Variants in OTUD7A observed in about 807,000 individuals in gnomAD.
OTUD7A encodes OTU domain-containing protein 7A.
OTUD7A carries 12 observed loss-of-function variants against 65.7 expected under a neutral mutation model. The observed-to-expected ratio is 0.18, with a 90% CI of 0.12 to 0.30. The LOEUF (loss-of-function observed/expected upper bound fraction) is 0.30. OTUD7A is among the 10% of genes least tolerant of loss of function. The probability of loss-of-function intolerance (pLI) is 1.00; values close to 1 mark genes in which losing one functional copy is unlikely to be tolerated. For missense variants in OTUD7A, 1,148 were observed against 1,304.8 expected (o/e 0.88, Z 1.85); for synonymous variants, 641 against 586.3 (o/e 1.09, Z -1.35).
At chr15:31,796,944 G>A (rs866667115) in intron 1 of OTUD7A, among the ~76,000 whole-genome samples, 1 of 152,210 alleles carries the variant, frequency 6.6e-6, no homozygotes, top group Non-Finnish European at 1.5e-5. Flanking sequence ...ATGTTGGCCA[G>A]GCTGGTTTCG....
intron 3 of OTUD7A, among the ~76,000 whole-genome samples, chr15:31,642,184 G>T (rs1891536971): frequency 6.6e-6 from 1 of 152,144 alleles, no homozygotes; most frequent in Non-Finnish European, 1.5e-5. Flanking sequence ...TATACCTTCT[G>T]TTTCTCAGTA....
At chr15:31,584,047 T>C (rs755473067) in intron 3 of OTUD7A, among the ~76,000 whole-genome samples, 26 of 152,214 alleles carry the variant, frequency 1.7e-4, no homozygotes, top group Non-Finnish European at 2.9e-4. Context: ...ACAGCTGGTA[T>C]AGATTGACAA....
At chr15:31,834,334 T>C (rs1360478139) in intron 1 of OTUD7A, among the ~76,000 whole-genome samples, 2 of 152,228 alleles carry the variant, frequency 1.3e-5, no homozygotes, top group East Asian at 3.9e-4. Flanking sequence ...TAAAGAGAGA[T>C]GGCAGGATGA....
In OTUD7A at chr15:31,483,810, G is replaced by A; in HGVS notation, c.2286C>T (p.Ser762=). 9.9e-7 allele frequency: 1 copy of A among 1,006,000 alleles called. No homozygotes were observed. The highest frequency in any genetic ancestry group is 1.2e-6 in the Non-Finnish European group (1 of 845,252). The allele number at this position is 1,006,000 out of a possible 1,614,324, so 62.3% of individuals were successfully genotyped here. ...PGGGARRASA[S]GPVPGRSPPA... is the part of the protein sequence containing the mutation. Reference sequence around the variant, plus strand: ...GGGGGCTGCGGCCAGGCACTGGTCCGCTGGCGCTCGCACGCCGCGCGCCTC... The same window carrying A: ...GGGGGCTGCGGCCAGGCACTGGTCCACTGGCGCTCGCACGCCGCGCGCCTC... Residue 762 remains serine, a synonymous_variant, in exon 13 of 13, where the codon AGC becomes AGT. Transcript: ENST00000307050.
chr15:31,737,314 G>A (rs1051516737), intron 1 of OTUD7A, among the ~76,000 whole-genome samples: 1 of 152,054 alleles, frequency 6.6e-6, no homozygotes, highest in African/African-American at 2.4e-5. Context: ...AATAGAGACA[G>A]ACAACCCCAC....
intron 1 of OTUD7A, among the ~76,000 whole-genome samples, chr15:31,836,223 G>A (rs537317799): frequency 5.3e-5 from 8 of 151,880 alleles, no homozygotes; most frequent in East Asian, 3.9e-4. Context: ...AGTGATGTTC[G>A]GTGGTAACAT....
Position 31,483,260 on chromosome 15 carries a change from G to A in OTUD7A, c.*34C>T, listed in dbSNP as rs1314701261. ...CACAATGGAAAAGAAATCCTCGAAG[G>A]TAGAACCTCGCCGCCCGCGCCGCGC... On this transcript the variant is annotated 3_prime_UTR_variant, in exon 13 of 13. Coordinates refer to ENST00000307050, the MANE Select transcript of OTUD7A (RefSeq NM_001382637.1). 4 of 1,073,520 alleles carry A rather than the reference G, an allele frequency of 3.7e-6. No homozygotes were observed. Among genetic ancestry groups the A allele is most frequent in the Non-Finnish European group, 4.5e-6 (4 of 888,880 alleles). 66.5% of individuals were successfully genotyped at this position (1,073,520 alleles called of 1,614,324 possible). A position where few individuals can be genotyped will look rare whatever the true frequency, so the allele number is the denominator to read the frequency against.
chr15:31,487,315 GCTGGCC>G lies in OTUD7A; in HGVS notation c.1287-43_1287-38del. On this transcript the variant is annotated intron_variant, in intron 11 of 12. Coordinates refer to ENST00000307050, the MANE Select transcript of OTUD7A (RefSeq NM_001382637.1). The surrounding 1 kb of genome is among the most constrained non-coding windows in gnomAD (Gnocchi z 6.0). The stretch of plus-strand genomic sequence containing the variant: ...AGAATATCCTATTGAAATGGTCTGA[GCTGGCC>G]CTTATAGCACCCAGTCCACTTGCAT... 1 of 1,608,982 alleles carries G rather than the reference GCTGGCC, an allele frequency of 6.2e-7. No homozygotes were observed. Among genetic ancestry groups the G allele is most frequent in the African/African-American group, 1.3e-5 (1 of 74,910 alleles).
intron 1 of OTUD7A, among the ~76,000 whole-genome samples, chr15:31,795,941 C>T (rs1011668435): frequency 6.6e-6 from 1 of 152,178 alleles, no homozygotes. Flanking sequence ...AGCCTGGCCC[C>T]TAGGTAAACA....
At chr15:31,803,959 T>A (rs1242490375) in intron 1 of OTUD7A, among the ~76,000 whole-genome samples, 6 of 152,200 alleles carry the variant, frequency 3.9e-5, no homozygotes, top group Admixed American at 1.3e-4. Flanking sequence ...AAGGTGATGA[T>A]ACCAGATGAC....
rs1259843189 is a variant in OTUD7A, at chr15:31,476,020, C to G, written c.*7274G>C. 6.6e-6 allele frequency: 1 copy of G among 152,184 alleles called. No homozygotes were observed. The highest frequency in any genetic ancestry group is 2.4e-5 in the African/African-American group (1 of 41,428). The allele number at this position is 152,184 out of a possible 1,614,324, so 9.4% of individuals were successfully genotyped here. ...TCAACAATCCTTAGTTAAAACAAGGCCAAATTCTCAAAGGTGATGGTGAAT... is the reference window on the plus strand; with the variant it reads ...TCAACAATCCTTAGTTAAAACAAGGGCAAATTCTCAAAGGTGATGGTGAAT... On this transcript the variant is annotated 3_prime_UTR_variant, in exon 13 of 13. Transcript: ENST00000307050.
intron 4 of OTUD7A, among the ~76,000 whole-genome samples, chr15:31,560,141 C>T (rs1386054893): frequency 2.0e-5 from 3 of 152,180 alleles, no homozygotes; most frequent in South Asian, 2.1e-4. Context: ...CTCTTTGTCT[C>T]GATGCATTTA....
intron 4 of OTUD7A, among the ~76,000 whole-genome samples, chr15:31,566,768 A>C (rs1422047734): frequency 2.0e-5 from 3 of 152,006 alleles, no homozygotes; most frequent in Non-Finnish European, 2.9e-5. Context: ...GGCACCTCCC[A>C]CCCACCACTC....
intron 8 of OTUD7A, among the ~76,000 whole-genome samples, chr15:31,519,149 C>T (rs1017962768): frequency 1.8e-4 from 27 of 152,152 alleles, no homozygotes; most frequent in African/African-American, 4.8e-4. Flanking sequence ...TGTGCACGCA[C>T]GCGCACTCAC....
intron 3 of OTUD7A, among the ~76,000 whole-genome samples, chr15:31,611,909 C>T (rs927303631): frequency 2.6e-5 from 4 of 152,148 alleles, no homozygotes; most frequent in Middle Eastern, 3.2e-3. Flanking sequence ...TAACAAAATA[C>T]TAGCTAACCA....
chr15:31,559,258 C>G, intron 4 of OTUD7A, 71 bp from the exon 5 acceptor site: 1 of 1,395,486 alleles, frequency 7.2e-7, no homozygotes, highest in Non-Finnish European at 9.8e-7. Flanking sequence ...TACATAAACA[C>G]ACATACTATG....
chr15:31,760,800 A>G (rs1221249154), intron 1 of OTUD7A, among the ~76,000 whole-genome samples: 1 of 152,210 alleles, frequency 6.6e-6, no homozygotes, highest in Admixed American at 6.5e-5. Context: ...TTTAAAATTT[A>G]TGATAAATCC....
At chr15:31,734,040 G>A (rs987830356) in intron 1 of OTUD7A, among the ~76,000 whole-genome samples, 2 of 152,018 alleles carry the variant, frequency 1.3e-5, no homozygotes, top group African/African-American at 4.8e-5. Context: ...ACTGCATTTC[G>A]GGGAATTGGA....
At chr15:31,579,676 G>T (rs1478802983) in intron 3 of OTUD7A, among the ~76,000 whole-genome samples, 11 of 152,168 alleles carry the variant, frequency 7.2e-5, no homozygotes, top group Non-Finnish European at 1.5e-5. Context: ...GATAAGGGGG[G>T]CTATTGTATG....
Sources: allele counts gnomAD v4.1 joint callset (sites outside exome capture counted in the v4.1 genomes callset), GRCh38; gene constraint gnomAD v4.1.1; non-coding constraint Gnocchi (gnomAD v3.1); transcripts MANE v1.5; gene names NCBI Gene and HGNC (gene_info 2026-07-23, HGNC 2026-07-21).